The following CD5 variants were observed in gnomAD, a reference collection of about 807,000 sequenced individuals.
The protein encoded by CD5 is T-cell surface glycoprotein CD5.
A neutral mutation model predicts 60.3 loss-of-function variants in CD5; 36 were observed. That is an observed-to-expected ratio of 0.60 (90% CI 0.46 to 0.79). The LOEUF (loss-of-function observed/expected upper bound fraction) is 0.79. Ranked by LOEUF, CD5 falls within the 30% of genes least tolerant of loss-of-function variation. CD5 has a pLI of 0.00. For missense variants in CD5, 540 were observed against 630.6 expected (o/e 0.86, Z 1.54); for synonymous variants, 230 against 257.6 (o/e 0.89, Z 1.03).
At chr11:61,110,905 G>A (rs1356168664) in intron 1 of CD5, among the ~76,000 whole-genome samples, 6 of 152,184 alleles carry the variant, frequency 3.9e-5, no homozygotes, top group Admixed American at 3.9e-4. Context: ...TGGTGATGAT[G>A]ATGGTGACGG....
At chr11:61,122,496 TG>T (rs1161815008) in intron 6 of CD5, among the ~76,000 whole-genome samples, 1 of 150,080 alleles carries the variant, frequency 6.7e-6, no homozygotes, top group Non-Finnish European at 1.5e-5. Flanking sequence ...AGTGGATGGA[TG>T]GATGGATGGA....
At position 61,120,467 on chromosome 11, in the gene CD5, C is replaced by G. The variant is rs12279916; in HGVS notation, c.805+892C>G. On this transcript the variant is annotated intron_variant, in intron 5 of 10. Coordinates refer to ENST00000347785, the MANE Select transcript of CD5 (RefSeq NM_014207.4). Reference sequence around the variant, plus strand: ...GAGGCTGAGGTTTAGAGAGGCTAAACCTCTCGCCCAGTACTATGGAGCACT... The same window carrying G: ...GAGGCTGAGGTTTAGAGAGGCTAAAGCTCTCGCCCAGTACTATGGAGCACT... Among the ~76,000 whole-genome samples the G allele has an allele frequency of 2.6e-5, 4 of 152,050 alleles. 1 individual carries two copies. Among genetic ancestry groups the G allele is most frequent in the Admixed American group, 2.0e-4 (3 of 15,268 alleles).
chr11:61,123,812 T>TGGCCC, intron 7 of CD5, 72 bp from the exon 8 acceptor site: 8 of 339,958 alleles, frequency 2.4e-5, no homozygotes, highest in African/African-American at 2.9e-5. Context: ...CCCAGCCCCA[T>TGGCCC]CCCCACCCCT....
At chr11:61,097,382 C>T in the CD5 span, among the ~76,000 whole-genome samples, 5 of 152,150 alleles carry the variant, frequency 3.3e-5, no homozygotes, top group African/African-American at 1.2e-4. Flanking sequence ...TCACTCACCC[C>T]GTAGGACGAC....
intron 5 of CD5, 138 bp downstream of exon 5, chr11:61,119,713 G>A: frequency 4.6e-6 from 3 of 650,560 alleles, no homozygotes; most frequent in Non-Finnish European, 5.2e-6. Context: ...CCTGGTCTTG[G>A]CCTCTAAGAG....
chr11:61,118,995 C>G lies in CD5; in HGVS notation c.463+18C>G. 1 of 1,600,456 alleles carries G rather than the reference C, an allele frequency of 6.2e-7. No individual in the cohort carries two copies. Among genetic ancestry groups the G allele is most frequent in the Non-Finnish European group, 8.5e-7 (1 of 1,170,340 alleles). On this transcript the variant is annotated intron_variant, in intron 4 of 10. Coordinates refer to ENST00000347785, the MANE Select transcript of CD5 (RefSeq NM_014207.4). This position sits in a 1 kb window ranked among gnomAD's most constrained non-coding sequence, Gnocchi z 4.7. The stretch of plus-strand genomic sequence containing the variant: ...GCCCACAGGTAAGAGGATTCTGAAC[C>G]CCCCACAGGGAGTCAGAGCTAGCAA...
chr11:61,105,582 C>T (rs944471432), intron 1 of CD5, among the ~76,000 whole-genome samples: 8 of 152,126 alleles, frequency 5.3e-5, no homozygotes, highest in Non-Finnish European at 1.0e-4. Flanking sequence ...AGAAACAATG[C>T]GAGGTAGGAG....
At chr11:61,107,498 A>C (rs1860793051) in intron 1 of CD5, among the ~76,000 whole-genome samples, 1 of 152,212 alleles carries the variant, frequency 6.6e-6, no homozygotes, top group African/African-American at 2.4e-5. Flanking sequence ...GTGTGCTCTT[A>C]ACACACGCAG....
At chr11:61,105,270 C>T (rs994857164) in intron 1 of CD5, among the ~76,000 whole-genome samples, 1 of 152,234 alleles carries the variant, frequency 6.6e-6, no homozygotes, top group African/African-American at 2.4e-5. Flanking sequence ...ACAAACTGCA[C>T]GTCCCTGACT....
chr11:61,114,932 AAACCC>A, intron 1 of CD5, 119 bp from the exon 2 acceptor site: 1 of 815,258 alleles, frequency 1.2e-6, no homozygotes, highest in Non-Finnish European at 1.9e-6. Flanking sequence ...CCTGTCCCTA[AAACCC>A]ATGATAGTGG....
upstream of CD5, among the ~76,000 whole-genome samples, chr11:61,099,409 T>TTACACACACATCAACATGGAGATTA (rs1555008864): frequency 7.8e-6 from 1 of 128,160 alleles, no homozygotes; most frequent in Non-Finnish European, 1.6e-5. Context: ...AACATGGAAA[T>TTACACACACATCAACATGGAGATTA]CACACACATC....
Position 61,122,956 on chromosome 11 carries a change from C to A in CD5, c.1149C>A (p.Ile383=). The change falls in exon 7 of 11, where the codon ATC becomes ATA. Residue 383 remains isoleucine (I), a synonymous_variant. Transcript: ENST00000347785. ...TGGCCGCAGGCACGGTGGCAAGCATCATCCTGGCCCTGGTGCTCCTGGTGG... is the reference window on the plus strand; with the variant it reads ...TGGCCGCAGGCACGGTGGCAAGCATAATCCTGGCCCTGGTGCTCCTGGTGG... ...AGLAAGTVAS[I]ILALVLLVVL... 1.9e-6 allele frequency: 3 copies of A among 1,614,150 alleles called. No individual in the cohort carries two copies. Among genetic ancestry groups the A allele is most frequent in the Non-Finnish European group, 2.5e-6 (3 of 1,179,966 alleles).
chr11:61,120,096 G>A (rs910503923), intron 5 of CD5, among the ~76,000 whole-genome samples: 1 of 152,124 alleles, frequency 6.6e-6, no homozygotes, highest in Non-Finnish European at 1.5e-5. Flanking sequence ...CTCTGCAGAG[G>A]GTCCTGCGCC....
At chr11:61,101,290 A>G (rs968039762), upstream of CD5, among the ~76,000 whole-genome samples, 2 of 116,728 alleles carry the variant, frequency 1.7e-5, no homozygotes, top group African/African-American at 6.0e-5. Flanking sequence ...CATGGAGATC[A>G]CACACACACA....
intron 1 of CD5, among the ~76,000 whole-genome samples, chr11:61,114,401 C>G (rs1860905415): frequency 6.6e-6 from 1 of 152,212 alleles, no homozygotes; most frequent in Non-Finnish European, 1.5e-5. Flanking sequence ...GAGTTCAAAA[C>G]CAGCCTGGAC....
chr11:61,119,278 T>C lies in CD5; in HGVS notation c.508T>C (p.Cys170Arg). ...GGTGGCACAGTCTGGCGGCCAGCAC[T>C]GTGCCGGCGTGGTGGAGTTCTACAG... is the stretch of plus-strand genomic sequence containing the variant. Reference protein sequence around the residue: ...QLVAQSGGQHCAGVVEFYSGS... With the variant: ...QLVAQSGGQHRAGVVEFYSGS... Residue 170 changes from cysteine to arginine, a missense_variant, in exon 5 of 11, where the codon TGT (cysteine) becomes CGT (arginine). By Grantham distance (180) the Cys-to-Arg change is radical. Coordinates refer to ENST00000347785, the MANE Select transcript of CD5 (RefSeq NM_014207.4). 2 of 1,613,244 alleles carry C rather than the reference T, an allele frequency of 1.2e-6. No homozygotes were observed. The highest frequency in any genetic ancestry group is 1.7e-6 in the Non-Finnish European group (2 of 1,179,820).
the CD5 span, among the ~76,000 whole-genome samples, chr11:61,094,227 G>A: frequency 2.0e-5 from 3 of 152,040 alleles, no homozygotes; most frequent in African/African-American, 7.2e-5. Context: ...CCTCGTCAGA[G>A]CAGTGCATGG....
chr11:61,099,932 A>ACT (rs1455954009), upstream of CD5, among the ~76,000 whole-genome samples: 2 of 151,834 alleles, frequency 1.3e-5, no homozygotes, highest in African/African-American at 2.4e-5. Flanking sequence ...GATCACACAC[A>ACT]CATCAACATG....
intron 5 of CD5, among the ~76,000 whole-genome samples, chr11:61,120,411 T>G (rs1296541165): frequency 6.6e-6 from 1 of 151,668 alleles, no homozygotes; most frequent in African/African-American, 2.4e-5. Context: ...AGGAGGTGGG[T>G]GTTATTATTA....
Sources: gnomAD v4.1 joint callset for allele counts (sites outside exome capture counted in the v4.1 genomes callset) on GRCh38, gnomAD v4.1.1 for gene constraint, Gnocchi (gnomAD v3.1) non-coding constraint, MANE v1.5 for transcripts, NCBI Gene and HGNC (gene_info 2026-07-23, HGNC 2026-07-21) for gene names.